The following DLGAP5 variants were observed in gnomAD, a reference collection of about 807,000 sequenced individuals.
DLGAP5 encodes disks large-associated protein 5.
In DLGAP5, 90 loss-of-function variants were observed where a neutral mutation model predicts 99.6. The observed-to-expected ratio is 0.90, with a 90% CI of 0.76 to 1.08. The LOEUF (loss-of-function observed/expected upper bound fraction) is 1.08, where lower values mean the gene tolerates loss of function less well. Among genes scored for constraint, DLGAP5 ranks in the 50% least tolerant of loss-of-function variants. The pLI is 0.00. For missense variants in DLGAP5, 1,036 were observed against 983.5 expected, an observed-to-expected ratio of 1.05 and a Z score of -0.71; for synonymous variants, 311 against 321.3, an observed-to-expected ratio of 0.97 and a Z score of 0.34.
rs779834904 is a variant in DLGAP5, at chr14:55,148,358, T to G, written c.2534A>C (p.Glu845Ala). ...TTGGATTTATTTTTAAATTCAAAAT[T>G]CTCCTGGTTGTAGAGGTGAAAAAGT... ...LITFSPLQPG[E>A]F is the part of the protein sequence containing the mutation. Residue 845 changes from glutamate (E) to alanine (A), a missense_variant, in exon 19 of 19, where the codon GAA (glutamate) becomes GCA (alanine). Transcript: ENST00000247191. 19 of 1,613,068 alleles carry G rather than the reference T, an allele frequency of 1.2e-5. No homozygotes were observed. Among genetic ancestry groups the G allele is most frequent in the Non-Finnish European group, 1.6e-5 (19 of 1,179,708 alleles).
At chr14:55,175,300 C>CTA (rs774847467) in intron 10 of DLGAP5, 46 bp downstream of exon 10, 64 of 1,570,800 alleles carry the variant, frequency 4.1e-5, no homozygotes, top group Non-Finnish European at 2.9e-5. Context: ...TTTTAAATGT[C>CTA]TAGATATTAA....
Position 55,177,168 on chromosome 14 carries a change from G to A in DLGAP5, c.943C>T (p.Gln315Ter). The A allele has an allele frequency of 6.2e-7, 1 of 1,612,428 alleles. No homozygotes were observed. The highest frequency in any genetic ancestry group is 8.5e-7 in the Non-Finnish European group (1 of 1,179,486). The part of the protein sequence containing the change: ...NSFAPKDFMF[Q>*]PLDGLKTYQV... Reference sequence around the variant, plus strand: ...TAGGTCTTCAGACCATCCAGTGGCTGAAACATAAAATCCTTAGGTGCAAAG... The same window carrying A: ...TAGGTCTTCAGACCATCCAGTGGCTAAAACATAAAATCCTTAGGTGCAAAG... The change falls in exon 8 of 19, where the codon CAG becomes TAG. Residue 315 changes from glutamine (Q) to a stop codon, truncating the protein, a stop_gained. Transcript: ENST00000247191. LOFTEE classifies it high-confidence loss of function.
intron 7 of DLGAP5, 150 bp from the exon 8 acceptor site, chr14:55,177,486 A>T: frequency 3.2e-6 from 2 of 630,314 alleles, no homozygotes; most frequent in South Asian, 5.8e-5. Flanking sequence ...AAGTGTATAC[A>T]TGGAATCAGA....
rs10658555 is a variant in DLGAP5 at position 55,173,587 on chromosome 14, G to GTC, written c.1301+1757_1301+1758dup. 4.3e-3 allele frequency among the ~76,000 whole-genome samples: 640 copies of GTC among 147,994 alleles called. 6 individuals are homozygous for GTC. The highest frequency in any genetic ancestry group is 0.017 in the Middle Eastern group (5 of 292). On this transcript the variant is annotated intron_variant, in intron 10 of 18. Coordinates refer to ENST00000247191, the MANE Select transcript of DLGAP5 (RefSeq NM_014750.5). ...TTGTCTCTCTCTATAGATATATGTT[G>GTC]TCTCTCTCTCTCTCTCTATATATAT...
chr14:55,158,858 A>G (rs1277989433), intron 13 of DLGAP5, 117 bp from the exon 14 acceptor site: 1 of 683,188 alleles, frequency 1.5e-6, no homozygotes. Context: ...TATACATAAA[A>G]TATTTCACAT....
intron 7 of DLGAP5, 71 bp downstream of exon 7, chr14:55,179,558 A>C: frequency 3.0e-6 from 4 of 1,336,896 alleles, no homozygotes; most frequent in Non-Finnish European, 4.2e-6. Context: ...CTTTATGTTT[A>C]ATTTCAACTT....
intron 18 of DLGAP5, among the ~76,000 whole-genome samples, chr14:55,150,052 C>T (rs886147769): frequency 5.4e-5 from 5 of 93,318 alleles, no homozygotes; most frequent in Admixed American, 2.4e-4. Context: ...AACTCTGTCT[C>T]AAAAAAAAAA....
intron 10 of DLGAP5, among the ~76,000 whole-genome samples, chr14:55,174,195 T>C (rs1199786315): frequency 1.3e-5 from 2 of 152,192 alleles, no homozygotes; most frequent in Non-Finnish European, 2.9e-5. Context: ...CGTCTCTTAC[T>C]GTCGAAACTG....
At chr14:55,148,680 C>T in intron 18 of DLGAP5, 2 of 949,862 alleles carry the variant, frequency 2.1e-6, no homozygotes, top group Middle Eastern at 2.1e-4. Flanking sequence ...ATAGCAAGAT[C>T]CCACCTCAAA....
chr14:55,189,609 C>A (rs917734929), intron 1 of DLGAP5, among the ~76,000 whole-genome samples: 1 of 152,200 alleles, frequency 6.6e-6, no homozygotes, highest in Non-Finnish European at 1.5e-5. Context: ...AAAAACCCCA[C>A]ACCAGGTACC....
intron 12 of DLGAP5, among the ~76,000 whole-genome samples, chr14:55,167,205 G>T (rs979930237): frequency 1.4e-5 from 2 of 144,660 alleles, no homozygotes; most frequent in African/African-American, 2.7e-5. Context: ...AGTGAGCCAA[G>T]ATCACGCCAC....
At chr14:55,157,083 G>C (rs917950981) in intron 14 of DLGAP5, among the ~76,000 whole-genome samples, 1 of 152,242 alleles carries the variant, frequency 6.6e-6, no homozygotes, top group Non-Finnish European at 1.5e-5. Flanking sequence ...AGTAAGAATT[G>C]AAAGTAGTTG....
chr14:55,165,778 G>C lies in DLGAP5; in HGVS notation c.1549-2703C>G, dbSNP rs146474050. Among the ~76,000 whole-genome samples the C allele has an allele frequency of 2.9e-3, 446 of 152,144 alleles. 2 individuals are homozygous for C. Among genetic ancestry groups the C allele is most frequent in the Non-Finnish European group, 5.2e-3 (352 of 67,994 alleles). ...AATAGAACAATTATAACAATATTCCGTAATAAGTTATATGAATGTGGTCTC... is the reference window on the plus strand; with the variant it reads ...AATAGAACAATTATAACAATATTCCCTAATAAGTTATATGAATGTGGTCTC... On this transcript the variant is annotated intron_variant, in intron 12 of 18. Transcript: ENST00000247191.
intron 12 of DLGAP5, among the ~76,000 whole-genome samples, chr14:55,166,895 A>AG (rs1367914929): frequency 6.7e-6 from 1 of 149,606 alleles, no homozygotes; most frequent in Non-Finnish European, 1.5e-5. Context: ...AAAAAAAAAA[A>AG]GTGCCCCAAT....
intron 12 of DLGAP5, among the ~76,000 whole-genome samples, chr14:55,163,453 T>C (rs1310857494): frequency 6.6e-6 from 1 of 152,240 alleles, no homozygotes; most frequent in Admixed American, 6.5e-5. Context: ...GTTGCTTCCA[T>C]GTTTTGGCAA....
Position 55,148,352 on chromosome 14 carries a change from C to CA in DLGAP5, c.2539dup (p.Ter847LeufsTer38). 3.1e-6 allele frequency: 5 copies of CA among 1,612,406 alleles called. No homozygotes were observed. Among genetic ancestry groups the CA allele is most frequent in the Non-Finnish European group, 4.2e-6 (5 of 1,179,406 alleles). On this transcript the variant is annotated frameshift_variant and stop_lost, in exon 19 of 19. Transcript: ENST00000247191. LOFTEE classifies it high-confidence loss of function. ...AAATGTTTGGATTTATTTTTAAATT[C>CA]AAAATTCTCCTGGTTGTAGAGGTGA...
intron 10 of DLGAP5, among the ~76,000 whole-genome samples, chr14:55,174,019 T>A (rs1882966317): frequency 6.6e-6 from 1 of 152,206 alleles, no homozygotes; most frequent in South Asian, 2.1e-4. Context: ...AGAGATAACC[T>A]TAAACTCTGG....
chr14:55,150,309 A>G (rs1291066816), intron 18 of DLGAP5: 1 of 153,770 alleles, frequency 6.5e-6, no homozygotes, highest in East Asian at 1.9e-4. Flanking sequence ...GTACCTATAT[A>G]TAAATTAACA....
In DLGAP5 at chr14:55,182,877, G is replaced by A. The variant is rs552317953; in HGVS notation, c.433-445C>T. Among the ~76,000 whole-genome samples, 161 of 152,016 alleles carry A rather than the reference G, an allele frequency of 1.1e-3. 1 individual carries two copies. The highest frequency in any genetic ancestry group is 3.7e-3 in the African/African-American group (152 of 41,486). Reference sequence around the variant, plus strand: ...TATTCCCAATATTATATCCTAAATCGACATCTTAGCACCAATTTCCATCCT... The same window carrying A: ...TATTCCCAATATTATATCCTAAATCAACATCTTAGCACCAATTTCCATCCT... On this transcript the variant is annotated intron_variant, in intron 3 of 18. Coordinates refer to ENST00000247191, the MANE Select transcript of DLGAP5 (RefSeq NM_014750.5).
Sources: gnomAD v4.1 joint callset for allele counts (sites outside exome capture counted in the v4.1 genomes callset) on GRCh38, gnomAD v4.1.1 for gene constraint, MANE v1.5 for transcripts, NCBI Gene and HGNC (gene_info 2026-07-23, HGNC 2026-07-21) for gene names.